PLA2G5: variants seen among roughly 807,000 people sequenced by gnomAD.
The protein encoded by PLA2G5 is Ca2+-dependent phospholipase A2.
PLA2G5 carries 12 observed loss-of-function variants against 15.9 expected under a neutral mutation model. The observed-to-expected ratio is 0.76, with a 90% confidence interval of 0.48 to 1.23. PLA2G5 has a LOEUF of 1.23. Ranked by LOEUF, PLA2G5 falls within the 50% of genes most tolerant of loss-of-function variation. The probability of loss-of-function intolerance (pLI) is 0.00; values close to 1 mark genes in which losing one functional copy is unlikely to be tolerated. For synonymous variants in PLA2G5, 71 were observed against 71.4 expected (o/e 0.99, Z 0.03); for missense variants, 169 against 177.1 (o/e 0.95, Z 0.26).
intron 1 of PLA2G5, 128 bp downstream of exon 1, chr1:20,070,593 C>G (rs866009083): frequency 2.4e-6 from 1 of 425,192 alleles, no homozygotes; most frequent in Middle Eastern, 1.1e-3. Flanking sequence ...CAGGCACAGC[C>G]TCTGTTGAAG....
At chr1:20,068,078 A>G (rs2100512753), upstream of PLA2G5, among the ~76,000 whole-genome samples, 2 of 151,680 alleles carry the variant, frequency 1.3e-5, no homozygotes, top group Middle Eastern at 3.5e-3. Flanking sequence ...AGATCGTGCC[A>G]TTGCACTCCA....
chr1:20,069,149 C>T, upstream of PLA2G5: 1 of 420,762 alleles, frequency 2.4e-6, no homozygotes, highest in Non-Finnish European at 4.8e-6. Context: ...TTATCAAGTG[C>T]TGGCTATGGT....
At chr1:20,043,709 T>C (rs1439864189) in intron 1 of PLA2G5, among the ~76,000 whole-genome samples, 2 of 152,156 alleles carry the variant, frequency 1.3e-5, no homozygotes, top group Non-Finnish European at 2.9e-5. Flanking sequence ...CATAAAAGAA[T>C]GTTGTCCAAG....
At chr1:20,047,000 C>T (rs988104277) in intron 1 of PLA2G5, among the ~76,000 whole-genome samples, 1 of 152,148 alleles carries the variant, frequency 6.6e-6, no homozygotes, top group Admixed American at 6.5e-5. Flanking sequence ...TTTCTCAGCT[C>T]TGAAGAGAAA....
intron 1 of PLA2G5, among the ~76,000 whole-genome samples, chr1:20,035,772 G>T (rs1370718001): frequency 6.6e-6 from 1 of 152,100 alleles, no homozygotes; most frequent in African/African-American, 2.4e-5. Context: ...GCTAGATGTT[G>T]CCTGAACACC....
At chr1:20,052,471 G>C (rs1464817519) in intron 1 of PLA2G5, among the ~76,000 whole-genome samples, 6 of 152,130 alleles carry the variant, frequency 3.9e-5, no homozygotes, top group South Asian at 4.1e-4. Context: ...CTGATGCATG[G>C]ACCTCAGAGT....
chr1:20,058,883 G>T (rs1031302533), intron 1 of PLA2G5, among the ~76,000 whole-genome samples: 2 of 152,158 alleles, frequency 1.3e-5, no homozygotes, highest in South Asian at 2.1e-4. Context: ...TGTTAAAGAT[G>T]ATCACATGGG....
rs11573292 is a variant in PLA2G5 at position 20,091,498 on chromosome 1, C to T, written c.*806C>T. 6.6e-6 allele frequency among the ~76,000 whole-genome samples: 1 copy of T among 152,282 alleles called. No homozygotes were observed. The highest frequency in any genetic ancestry group is 2.1e-4 in the South Asian group (1 of 4,822). On this transcript the variant is annotated 3_prime_UTR_variant, in exon 5 of 5. Coordinates refer to ENST00000375108, the MANE Select transcript of PLA2G5 (RefSeq NM_000929.3). ...GTGTGGTCTTGGACCCGTTACTGAA[C>T]CTCTTTGACTTTCAGTCTCTTTGAG...
chr1:20,043,812 A>G (rs1198290571), intron 1 of PLA2G5, among the ~76,000 whole-genome samples: 1 of 152,188 alleles, frequency 6.6e-6, no homozygotes, highest in Non-Finnish European at 1.5e-5. Context: ...GCCCCTTGAA[A>G]AGAAGGTAAT....
chr1:20,082,393 CCCTTA>C (rs1166685010), intron 1 of PLA2G5, among the ~76,000 whole-genome samples: 1 of 151,790 alleles, frequency 6.6e-6, no homozygotes, highest in Non-Finnish European at 1.5e-5. Context: ...AGGCGTTCTT[CCCTTA>C]CCAGCCGAAC....
At chr1:20,088,653 T>G (rs1301421275) in intron 3 of PLA2G5, among the ~76,000 whole-genome samples, 1 of 152,106 alleles carries the variant, frequency 6.6e-6, no homozygotes. Flanking sequence ...AGAAAACCTT[T>G]TATATGCAAT....
At chr1:20,087,625 A>G (rs891095435) in intron 3 of PLA2G5, among the ~76,000 whole-genome samples, 1 of 152,116 alleles carries the variant, frequency 6.6e-6, no homozygotes, top group Non-Finnish European at 1.5e-5. Context: ...CAACAAGCAC[A>G]CTTAATGCCT....
Position 20,073,400 on chromosome 1 carries a change from G to A in PLA2G5, c.-11+2935G>A, listed in dbSNP as rs368596331. ...TTGAGCCTGTTATTAACCAATAGCTGTAACATATGTATAAGCTGCATGTGC... is the reference window on the plus strand; with the variant it reads ...TTGAGCCTGTTATTAACCAATAGCTATAACATATGTATAAGCTGCATGTGC... On this transcript the variant is annotated intron_variant, in intron 1 of 4. Coordinates refer to ENST00000375108, the MANE Select transcript of PLA2G5 (RefSeq NM_000929.3). Among the ~76,000 whole-genome samples the A allele has an allele frequency of 2.3e-4, 35 of 152,308 alleles. No homozygotes were observed. The South Asian group carries it at 7.2e-3, about 32-fold the overall frequency.
upstream of PLA2G5, chr1:20,069,037 G>A (rs765568026): frequency 2.0e-5 from 16 of 800,372 alleles, no homozygotes; most frequent in South Asian, 2.2e-4. Flanking sequence ...CATAAGGTGT[G>A]TGTAAAAATG....
intron 1 of PLA2G5, among the ~76,000 whole-genome samples, chr1:20,034,220 A>G (rs2013122291): frequency 6.6e-6 from 1 of 152,114 alleles, no homozygotes. Flanking sequence ...AAGTTCAGCT[A>G]GGTCCTTGGT....
At chr1:20,087,400 C>CTT (rs903892388) in intron 3 of PLA2G5, among the ~76,000 whole-genome samples, 2 of 148,202 alleles carry the variant, frequency 1.3e-5, no homozygotes, top group African/African-American at 4.9e-5. Context: ...TGATCATATA[C>CTT]TTTTTTTTTT....
chr1:20,035,239 A>G (rs2013178922), intron 1 of PLA2G5, among the ~76,000 whole-genome samples: 1 of 152,154 alleles, frequency 6.6e-6, no homozygotes, highest in African/African-American at 2.4e-5. Context: ...ACTTAATCCA[A>G]GTTCCCACCA....
At chr1:20,066,578 G>A (rs536678701), upstream of PLA2G5, among the ~76,000 whole-genome samples, 5 of 152,286 alleles carry the variant, frequency 3.3e-5, no homozygotes, top group South Asian at 8.3e-4. Context: ...TATAGCACAC[G>A]ACTGCCTCCT....
intron 1 of PLA2G5, among the ~76,000 whole-genome samples, chr1:20,073,308 A>G (rs965356467): frequency 2.0e-5 from 3 of 152,232 alleles, no homozygotes; most frequent in African/African-American, 7.2e-5. Context: ...CAAAGATAAA[A>G]CATGTATTTG....
Sources: allele counts gnomAD v4.1 joint callset (sites outside exome capture counted in the v4.1 genomes callset), GRCh38; gene constraint gnomAD v4.1.1; transcripts MANE v1.5; gene names NCBI Gene and HGNC (gene_info 2026-07-23, HGNC 2026-07-21).